The following USH2A variants were observed in gnomAD, a reference collection of about 807,000 sequenced individuals.
The protein encoded by USH2A is usherin.
A neutral mutation model predicts 538.9 loss-of-function variants in USH2A; 443 were observed. The ratio of observed to expected loss-of-function variants is 0.82; its 90% CI spans 0.76 to 0.89. The LOEUF (loss-of-function observed/expected upper bound fraction) is 0.89, where lower values mean the gene tolerates loss of function less well. USH2A is among the 40% of genes least tolerant of loss of function. The pLI is 0.00. For missense variants in USH2A, 6,633 were observed against 6,324.8 expected, an observed-to-expected ratio of 1.05 and a Z score of -1.65; for synonymous variants, 2,413 against 2,273.5, an observed-to-expected ratio of 1.06 and a Z score of -1.75.
chr1:216,185,791 C>A (rs985934478), intron 20 of USH2A, among the ~76,000 whole-genome samples: 8 of 151,886 alleles, frequency 5.3e-5, no homozygotes, highest in Admixed American at 2.0e-4. Flanking sequence ...AATGTCTATA[C>A]TTTCTATTCA....
chr1:216,088,969 C>A, intron 23 of USH2A, 44 bp downstream of exon 23: 1 of 1,610,816 alleles, frequency 6.2e-7, no homozygotes, highest in Middle Eastern at 1.7e-4. Flanking sequence ...ATGGCAACAC[C>A]AACATATCAA....
intron 38 of USH2A, among the ~76,000 whole-genome samples, chr1:215,927,826 C>T (rs1429252880): frequency 1.3e-5 from 2 of 152,012 alleles, no homozygotes; most frequent in South Asian, 2.1e-4. Context: ...GACAATTAAA[C>T]ACACACACAA....
At chr1:215,868,115 T>A (rs773855262) in intron 43 of USH2A, among the ~76,000 whole-genome samples, 14 of 152,170 alleles carry the variant, frequency 9.2e-5, no homozygotes, top group Non-Finnish European at 1.8e-4. Flanking sequence ...TAATTTGGGT[T>A]TATTAGATGA....
chr1:215,998,913 C>T lies in USH2A; in HGVS notation c.6631G>A (p.Gly2211Ser). The change falls in exon 34 of 72, where the codon GGT becomes AGT. Residue 2211 changes from glycine (G) to serine (S), a missense_variant. Coordinates refer to ENST00000307340, the MANE Select transcript of USH2A (RefSeq NM_206933.4). ...CCCAGCTTGATGAGATATTTATTACCAGGTAAAACGTATTGTAGCATATGA... is the reference window on the plus strand; with the variant it reads ...CCCAGCTTGATGAGATATTTATTACTAGGTAAAACGTATTGTAGCATATGA... ...QDHMLQYVLP[G>S]NKYLIKLGAC... is the part of the protein sequence containing the mutation. 2 of 1,612,918 alleles carry T rather than the reference C, an allele frequency of 1.2e-6. No individual in the cohort carries two copies. The highest frequency in any genetic ancestry group is 1.7e-6 in the Non-Finnish European group (2 of 1,179,448).
At chr1:215,934,052 A>G (rs970412824) in intron 38 of USH2A, among the ~76,000 whole-genome samples, 4 of 152,034 alleles carry the variant, frequency 2.6e-5, no homozygotes, top group African/African-American at 9.7e-5. Flanking sequence ...ACTGTATCAC[A>G]TTTCACACAT....
rs1667307951 is a variant in USH2A, at chr1:215,965,203, TAAA to T, written c.7120+111_7120+113del. The T allele has an allele frequency of 4.8e-6, 6 of 1,238,272 alleles. No individual in the cohort carries two copies. In the South Asian group the frequency reaches 8.4e-5, roughly 17 times the overall value. 76.7% of individuals were successfully genotyped at this position (1,238,272 alleles called of 1,614,324 possible). A position where few individuals can be genotyped will look rare whatever the true frequency, so the allele number is the denominator to read the frequency against. ...TCCGTATAGGTTATTTTCAGGAAAA[TAAA>T]GAAACCAACATCTGTGGCTAAAAGA... On this transcript the variant is annotated intron_variant, in intron 37 of 71. Transcript: ENST00000307340.
At chr1:216,103,408 C>A (rs944328033) in intron 21 of USH2A, among the ~76,000 whole-genome samples, 8 of 152,202 alleles carry the variant, frequency 5.3e-5, no homozygotes, top group Non-Finnish European at 1.0e-4. Flanking sequence ...TCCCTGTCAA[C>A]TTAACTTTGT....
intron 3 of USH2A, among the ~76,000 whole-genome samples, chr1:216,371,212 CCCTTTT>C (rs1431946347): frequency 1.3e-5 from 2 of 152,200 alleles, no homozygotes; most frequent in Non-Finnish European, 1.5e-5. Context: ...CAAATTTAAT[CCCTTTT>C]CCATGTGAGA....
intron 21 of USH2A, among the ~76,000 whole-genome samples, chr1:216,141,315 C>T (rs1025454687): frequency 6.6e-6 from 1 of 152,242 alleles, no homozygotes; most frequent in Non-Finnish European, 1.5e-5. Context: ...CAGTGAGACT[C>T]CCTGCTGCAG....
chr1:216,386,718 G>T (rs1007324565), intron 3 of USH2A, among the ~76,000 whole-genome samples: 8 of 151,118 alleles, frequency 5.3e-5, no homozygotes. Flanking sequence ...AGCCTGGCGT[G>T]GTGACGGGCA....
At chr1:215,932,207 C>T (rs1473970084) in intron 38 of USH2A, among the ~76,000 whole-genome samples, 1 of 151,942 alleles carries the variant, frequency 6.6e-6, no homozygotes, top group African/African-American at 2.4e-5. Flanking sequence ...ATAATGATAA[C>T]AATCCAACTA....
At chr1:216,208,395 T>G (rs1353275298) in intron 15 of USH2A, among the ~76,000 whole-genome samples, 1 of 152,116 alleles carries the variant, frequency 6.6e-6, no homozygotes, top group African/African-American at 2.4e-5. Context: ...CCATTCATCT[T>G]TTTGTTAAGA....
At chr1:215,984,077 C>T (rs1341144958) in intron 35 of USH2A, among the ~76,000 whole-genome samples, 1 of 152,168 alleles carries the variant, frequency 6.6e-6, no homozygotes, top group African/African-American at 2.4e-5. Flanking sequence ...TGCCCATGGA[C>T]AAACCAACAG....
chr1:215,806,910 T>C (rs1354674913), intron 49 of USH2A, among the ~76,000 whole-genome samples: 5 of 152,108 alleles, frequency 3.3e-5, no homozygotes. Flanking sequence ...TTGTTTCACT[T>C]GTGACAGTTA....
chr1:216,157,125 G>T (rs948083204), intron 21 of USH2A, among the ~76,000 whole-genome samples: 1 of 151,978 alleles, frequency 6.6e-6, no homozygotes, highest in African/African-American at 2.4e-5. Context: ...ACCCACCTCG[G>T]CCTCCCAAAG....
intron 21 of USH2A, among the ~76,000 whole-genome samples, chr1:216,167,107 C>T (rs2034185194): frequency 6.6e-6 from 1 of 151,658 alleles, no homozygotes; most frequent in African/African-American, 2.4e-5. Context: ...TGTTTGTGAG[C>T]CTCCTTATAT....
intron 61 of USH2A, among the ~76,000 whole-genome samples, chr1:215,682,933 G>A (rs1296693902): frequency 1.3e-5 from 2 of 151,244 alleles, no homozygotes; most frequent in East Asian, 1.9e-4. Flanking sequence ...ATCATGGCTC[G>A]GTGCAGCCTT....
intron 20 of USH2A, among the ~76,000 whole-genome samples, chr1:216,176,853 C>T (rs2034397011): frequency 6.6e-6 from 1 of 152,098 alleles, no homozygotes; most frequent in Admixed American, 6.6e-5. Context: ...AAGTTTCCTT[C>T]ATGTCTTTTC....
At chr1:216,147,397 T>C (rs375814258) in intron 21 of USH2A, among the ~76,000 whole-genome samples, 4,832 of 150,980 alleles carry the variant, frequency 0.032, 236 homozygotes, top group African/African-American at 0.11. Context: ...TGGCTGGAGC[T>C]AAAGGCATAG....
Sources: allele counts gnomAD v4.1 joint callset (sites outside exome capture counted in the v4.1 genomes callset), GRCh38; gene constraint gnomAD v4.1.1; transcripts MANE v1.5; gene names NCBI Gene and HGNC (gene_info 2026-07-23, HGNC 2026-07-21).